TP63: variants seen among roughly 807,000 people sequenced by gnomAD.
TP63 encodes tumor protein p63, also known as tumor protein 63.
Under a neutral mutation model 82.8 loss-of-function variants are expected in TP63, and 17 were observed. The observed-to-expected ratio is 0.21, with a 90% confidence interval of 0.14 to 0.31. The LOEUF is 0.31. Among genes scored for constraint, TP63 ranks in the 10% least tolerant of loss-of-function variants. TP63 has a pLI of 1.00. For synonymous variants in TP63, 330 were observed against 321.7 expected, an observed-to-expected ratio of 1.03 and a Z score of -0.28; for missense variants, 648 against 895.3, an observed-to-expected ratio of 0.72 and a Z score of 3.52.
chr3:189,618,300 T>C, the TP63 span, among the ~76,000 whole-genome samples: 1 of 152,220 alleles, frequency 6.6e-6, no homozygotes, highest in Non-Finnish European at 1.5e-5. Context: ...TGGGCTCAGG[T>C]CAAAGAATCT....
intron 9 of TP63, among the ~76,000 whole-genome samples, chr3:189,871,453 TATAA>T (rs533584126): frequency 1.6e-3 from 245 of 152,240 alleles, no homozygotes; most frequent in Non-Finnish European, 1.7e-3. Flanking sequence ...ATGCAAAAAC[TATAA>T]ATAAGAGTAA....
At chr3:189,698,677 C>T (rs1422184460) in intron 1 of TP63, among the ~76,000 whole-genome samples, 5 of 152,098 alleles carry the variant, frequency 3.3e-5, no homozygotes, top group Non-Finnish European at 5.9e-5. Flanking sequence ...AGAATATCTG[C>T]ATGTAGTAAA....
chr3:189,740,194 CTA>C, intron 3 of TP63, among the ~76,000 whole-genome samples: 1 of 152,230 alleles, frequency 6.6e-6, no homozygotes, highest in East Asian at 1.9e-4. Flanking sequence ...TGAAATGAAA[CTA>C]TCAAATAATT....
intron 3 of TP63, among the ~76,000 whole-genome samples, chr3:189,800,654 T>C (rs906811455): frequency 1.3e-5 from 2 of 152,046 alleles, no homozygotes; most frequent in Non-Finnish European, 2.9e-5. Flanking sequence ...TCCAGGCTCT[T>C]CTCACTACCT....
chr3:189,668,627 C>G (rs1356422474), intron 1 of TP63, among the ~76,000 whole-genome samples: 1 of 152,016 alleles, frequency 6.6e-6, no homozygotes, highest in Non-Finnish European at 1.5e-5. Flanking sequence ...AATAGCAACT[C>G]AAGCATACAG....
At position 189,802,882 on chromosome 3, in the gene TP63, C is replaced by T. The variant is rs78100803; in HGVS notation, c.325-5390C>T. 6.6e-3 allele frequency among the ~76,000 whole-genome samples: 1,006 copies of T among 152,274 alleles called. 8 individuals carry two copies. The highest frequency in any genetic ancestry group is 0.023 in the African/African-American group (964 of 41,556). Reference sequence around the variant, plus strand: ...TATATCCCAACAGTAATCTCTTCTACCCCTGATTTGGTCCCTATCCCATTT... The same window carrying T: ...TATATCCCAACAGTAATCTCTTCTATCCCTGATTTGGTCCCTATCCCATTT... On this transcript the variant is annotated intron_variant, in intron 3 of 13. Coordinates refer to ENST00000264731, the MANE Select transcript of TP63 (RefSeq NM_003722.5).
At chr3:189,793,222 G>GA (rs373254579) in intron 3 of TP63, among the ~76,000 whole-genome samples, 5 of 150,146 alleles carry the variant, frequency 3.3e-5, no homozygotes, top group East Asian at 2.0e-4. Flanking sequence ...ACTACTACTG[G>GA]AAAAAAAAAG....
At chr3:189,828,327 G>T (rs1425907499) in intron 4 of TP63, among the ~76,000 whole-genome samples, 1 of 151,714 alleles carries the variant, frequency 6.6e-6, no homozygotes, top group Admixed American at 6.6e-5. Context: ...GGTTTGGGGT[G>T]GTTTTGCAGT....
chr3:189,697,539 C>T (rs1259036623), intron 1 of TP63, among the ~76,000 whole-genome samples: 1 of 151,718 alleles, frequency 6.6e-6, no homozygotes, highest in African/African-American at 2.4e-5. Context: ...TCATTTGTCT[C>T]TCCACATAAA....
At chr3:189,718,471 T>C (rs1211856833) in intron 1 of TP63, among the ~76,000 whole-genome samples, 1 of 148,666 alleles carries the variant, frequency 6.7e-6, no homozygotes, top group Non-Finnish European at 1.5e-5. Flanking sequence ...TTTTAAACCA[T>C]CAGATCTTGT....
chr3:189,703,427 A>AATAGATAGATATATAGATAG (rs1717962102), intron 1 of TP63, among the ~76,000 whole-genome samples: 1 of 143,258 alleles, frequency 7.0e-6, no homozygotes, highest in Admixed American at 7.0e-5. Context: ...CCCTGTCTAA[A>AATAGATAGATATATAGATAG]ATAGATAGAT....
chr3:189,867,199 A>G (rs1717834391), intron 6 of TP63, among the ~76,000 whole-genome samples: 3 of 152,176 alleles, frequency 2.0e-5, no homozygotes, highest in Admixed American at 6.5e-5. Context: ...GAATGAACAG[A>G]TGATAGATTT....
intron 1 of TP63, among the ~76,000 whole-genome samples, chr3:189,682,554 ATATATATATATATATATATATATAT>A (rs1451339731): frequency 0.036 from 277 of 7,786 alleles, 3 homozygotes; most frequent in Non-Finnish European, 0.049. Context: ...AAAAAAAAAA[ATATATATATATATATATATATATAT>A]ATATATATAT....
intron 3 of TP63, among the ~76,000 whole-genome samples, chr3:189,751,304 G>A (rs947662285): frequency 9.9e-5 from 15 of 152,258 alleles, no homozygotes; most frequent in Middle Eastern, 3.4e-3. Context: ...CTTTATAGTA[G>A]CATGATTTAT....
intron 3 of TP63, among the ~76,000 whole-genome samples, chr3:189,746,232 C>A (rs1721364768): frequency 6.6e-6 from 1 of 151,250 alleles, no homozygotes. Flanking sequence ...CAGCAGAAAC[C>A]CACAGGCCAG....
Position 189,738,692 on chromosome 3 carries a change from C to CAGAA in TP63, c.243_246dup (p.Asp83ArgfsTer9). The CAGAA allele has an allele frequency of 6.2e-7, 1 of 1,614,164 alleles. No homozygotes were observed. Among genetic ancestry groups the CAGAA allele is most frequent in the Non-Finnish European group, 8.5e-7 (1 of 1,180,014 alleles). The stretch of plus-strand genomic sequence containing the variant: ...GACTTGAACTTTGTGGATGAACCAT[C>CAGAA]AGAAGATGGTGCGACAAACAAGATT... On this transcript the variant is annotated frameshift_variant, in exon 3 of 14. Transcript: ENST00000264731. LOFTEE classifies it high-confidence loss of function.
At chr3:189,882,695 C>T (rs1188184085) in intron 10 of TP63, among the ~76,000 whole-genome samples, 1 of 152,104 alleles carries the variant, frequency 6.6e-6, no homozygotes, top group East Asian at 1.9e-4. Flanking sequence ...GATAGTGTAA[C>T]TTGTGTCTGC....
intron 3 of TP63, among the ~76,000 whole-genome samples, chr3:189,751,183 T>G (rs1040031161): frequency 6.6e-6 from 1 of 152,214 alleles, no homozygotes; most frequent in Admixed American, 6.5e-5. Flanking sequence ...TATTCCATGG[T>G]GTATATGTGC....
chr3:189,842,632 C>A (rs1485076607), intron 4 of TP63, among the ~76,000 whole-genome samples: 1 of 152,146 alleles, frequency 6.6e-6, no homozygotes, highest in Non-Finnish European at 1.5e-5. Flanking sequence ...AGGTGGTTTG[C>A]AGGCCTTTAA....
Sources: allele counts gnomAD v4.1 joint callset (sites outside exome capture counted in the v4.1 genomes callset), GRCh38; gene constraint gnomAD v4.1.1; transcripts MANE v1.5; gene names NCBI Gene and HGNC (gene_info 2026-07-23, HGNC 2026-07-21).